RARB: variants seen among roughly 807,000 people sequenced by gnomAD.
RARB encodes the protein retinoic acid receptor beta.
In RARB, 17 loss-of-function variants were observed where a neutral mutation model predicts 51.9. The observed-to-expected ratio is 0.33, with a 90% CI of 0.22 to 0.49. The LOEUF is 0.49. Among genes scored for constraint, RARB ranks in the 20% least tolerant of loss-of-function variants. The pLI is 0.99. For synonymous variants in RARB, 215 were observed against 195.4 expected (o/e 1.10, Z -0.84); for missense variants, 369 against 550.8 (o/e 0.67, Z 3.30).
intron 3 of RARB, among the ~76,000 whole-genome samples, chr3:25,068,478 G>A (rs1184744354): frequency 6.6e-6 from 1 of 152,010 alleles, no homozygotes; most frequent in Non-Finnish European, 1.5e-5. Context: ...GTAATATTGA[G>A]GAATAGATAA....
intron 5 of RARB, among the ~76,000 whole-genome samples, chr3:25,238,709 G>A (rs910873517): frequency 7.9e-5 from 12 of 152,120 alleles, no homozygotes; most frequent in Non-Finnish European, 1.6e-4. Flanking sequence ...TGGGCTGGGT[G>A]CAGTGGCTCA....
intron 5 of RARB, among the ~76,000 whole-genome samples, chr3:25,296,744 C>A (rs1405586070): frequency 6.6e-6 from 1 of 152,080 alleles, no homozygotes; most frequent in Non-Finnish European, 1.5e-5. Context: ...TAACTCTGAC[C>A]CATGAACCGG....
intron 5 of RARB, among the ~76,000 whole-genome samples, chr3:25,292,329 C>A (rs1703809084): frequency 6.6e-6 from 1 of 152,238 alleles, no homozygotes; most frequent in South Asian, 2.1e-4. Flanking sequence ...TTGAGCAAGT[C>A]CTCCCCGATG....
At chr3:25,541,489 T>C (rs941038456) in intron 3 of RARB, among the ~76,000 whole-genome samples, 1 of 152,206 alleles carries the variant, frequency 6.6e-6, no homozygotes, top group Non-Finnish European at 1.5e-5. Flanking sequence ...GTTTGTTGAA[T>C]GGATGAATGA....
At chr3:24,931,485 C>A (rs1695438959) in intron 2 of RARB, among the ~76,000 whole-genome samples, 1 of 151,992 alleles carries the variant, frequency 6.6e-6, no homozygotes, top group East Asian at 1.9e-4. Context: ...CTTCCCTTTG[C>A]CCAACCCCAT....
chr3:25,196,402 A>C (rs376469787), intron 5 of RARB, among the ~76,000 whole-genome samples: 1 of 152,080 alleles, frequency 6.6e-6, no homozygotes, highest in Non-Finnish European at 1.5e-5. Flanking sequence ...ACATTAACTC[A>C]TCCTTCTTTA....
At chr3:25,380,925 T>A (rs1456454666) in intron 5 of RARB, among the ~76,000 whole-genome samples, 2 of 152,198 alleles carry the variant, frequency 1.3e-5, no homozygotes, top group East Asian at 3.8e-4. Context: ...TATTTTTCTC[T>A]CCCATCCTTA....
At position 25,466,240 on chromosome 3, in the gene RARB, T is replaced by G. The variant is rs56880480; in HGVS notation, c.306+4899T>G. ...TTCACTCTTGTTGCCCAGGCTGGAGTGCAGTGGCGCGATCTAGGCTCACTG... is the reference window on the plus strand; with the variant it reads ...TTCACTCTTGTTGCCCAGGCTGGAGGGCAGTGGCGCGATCTAGGCTCACTG... On this transcript the variant is annotated intron_variant, in intron 2 of 7. Coordinates refer to ENST00000330688, the MANE Select transcript of RARB (RefSeq NM_000965.5). Among the ~76,000 whole-genome samples the G allele has an allele frequency of 2.7e-3, 413 of 152,310 alleles. 3 individuals carry two copies. Among genetic ancestry groups the G allele is most frequent in the African/African-American group, 9.2e-3 (382 of 41,560 alleles).
chr3:25,392,228 A>G (rs1446430532), intron 5 of RARB, among the ~76,000 whole-genome samples: 2 of 152,008 alleles, frequency 1.3e-5, no homozygotes, highest in East Asian at 1.9e-4. Flanking sequence ...TGAGTTCTCC[A>G]TTTTGTTCCA....
chr3:25,046,177 C>A (rs1347044990), intron 2 of RARB, among the ~76,000 whole-genome samples: 5 of 152,158 alleles, frequency 3.3e-5, no homozygotes, highest in Non-Finnish European at 1.5e-5. Context: ...GAGAAAAAAA[C>A]CGCTGGGCCT....
chr3:24,902,523 A>G (rs1203247613), intron 2 of RARB, among the ~76,000 whole-genome samples: 2 of 152,134 alleles, frequency 1.3e-5, no homozygotes, highest in East Asian at 3.9e-4. Context: ...CAACGTGAGG[A>G]TGATAAAAAC....
chr3:25,230,425 G>T (rs1017657317), intron 5 of RARB, among the ~76,000 whole-genome samples: 5 of 152,100 alleles, frequency 3.3e-5, no homozygotes, highest in African/African-American at 1.2e-4. Flanking sequence ...CAGGGAGCTA[G>T]AATGACATGA....
intron 5 of RARB, among the ~76,000 whole-genome samples, chr3:25,234,648 T>TC (rs144463999): frequency 0.027 from 4,113 of 152,062 alleles, 100 homozygotes; most frequent in African/African-American, 0.057. Context: ...CCCTGGGACT[T>TC]TTTTTTCATA....
rs537028239 is a variant in RARB, at chr3:25,461,359, T to C, written c.306+18T>C. The C allele has an allele frequency of 7.5e-6, 12 of 1,610,390 alleles. No individual in the cohort carries two copies. Among genetic ancestry groups the C allele is most frequent in the East Asian group, 4.5e-5 (2 of 44,792 alleles). On this transcript the variant is annotated intron_variant, in intron 2 of 7. Transcript: ENST00000330688. ...GATGTAAGGTGAGTATTCACACTTC[T>C]GTGCCTGATGAACTCTCATTCTCCA...
At chr3:25,084,053 G>A (rs578125476) in intron 3 of RARB, among the ~76,000 whole-genome samples, 2 of 152,212 alleles carry the variant, frequency 1.3e-5, no homozygotes, top group South Asian at 4.1e-4. Flanking sequence ...CTCATCCTCT[G>A]GATATGTATC....
chr3:25,321,638 A>C (rs980908530), intron 5 of RARB, among the ~76,000 whole-genome samples: 6 of 152,020 alleles, frequency 3.9e-5, no homozygotes, highest in African/African-American at 9.7e-5. Flanking sequence ...AATCACTTGA[A>C]TCTGGGAGGC....
At chr3:25,127,123 A>G (rs1272202605) in intron 3 of RARB, among the ~76,000 whole-genome samples, 1 of 152,162 alleles carries the variant, frequency 6.6e-6, no homozygotes, top group Non-Finnish European at 1.5e-5. Context: ...CCCTACAGGA[A>G]CCAGGTGATC....
chr3:25,321,132 G>C (rs1026917868), intron 5 of RARB, among the ~76,000 whole-genome samples: 1 of 152,134 alleles, frequency 6.6e-6, no homozygotes, highest in African/African-American at 2.4e-5. Context: ...AATAAGTTTA[G>C]GATAAGCTTA....
intron 5 of RARB, among the ~76,000 whole-genome samples, chr3:25,205,366 C>T (rs868029417): frequency 6.6e-6 from 1 of 152,186 alleles, no homozygotes; most frequent in South Asian, 2.1e-4. Context: ...TGACCCCTTG[C>T]ACTTCCCGGG....
Sources: allele counts gnomAD v4.1 joint callset (sites outside exome capture counted in the v4.1 genomes callset), GRCh38; gene constraint gnomAD v4.1.1; transcripts MANE v1.5; gene names NCBI Gene and HGNC (gene_info 2026-07-23, HGNC 2026-07-21).